The following HECTD4 variants were observed in gnomAD, a reference collection of about 807,000 sequenced individuals.
HECTD4 encodes the protein probable E3 ubiquitin-protein ligase HECTD4.
A neutral mutation model predicts 471.5 loss-of-function variants in HECTD4; 114 were observed. That is an observed-to-expected ratio of 0.24 (90% confidence interval 0.21 to 0.28). The LOEUF is 0.28. HECTD4 is among the 10% of genes least tolerant of loss of function. The pLI is 1.00. For synonymous variants in HECTD4, 2,012 were observed against 2,256.0 expected (o/e 0.89, Z 3.07); for missense variants, 3,866 against 5,651.5 (o/e 0.68, Z 10.13).
At chr12:112,308,458 C>CG (rs564437618) in intron 6 of HECTD4, among the ~76,000 whole-genome samples, 1 of 114,298 alleles carries the variant, frequency 8.7e-6, no homozygotes, top group Non-Finnish European at 1.7e-5. Context: ...AAAAACAAAA[C>CG]AAAAAAAAAA....
At chr12:112,296,585 G>A (rs1334564937) in intron 7 of HECTD4, among the ~76,000 whole-genome samples, 1 of 151,546 alleles carries the variant, frequency 6.6e-6, no homozygotes, top group African/African-American at 2.4e-5. Flanking sequence ...GGATGTAGGT[G>A]CAGATGGTGT....
rs988169617 is a variant in HECTD4 at position 112,319,350 on chromosome 12, G to A, written c.570C>T (p.Asp190=). The A allele has an allele frequency of 1.1e-5, 17 of 1,536,154 alleles. No homozygotes were observed. The highest frequency in any genetic ancestry group is 1.5e-5 in the Non-Finnish European group (17 of 1,146,916). Residue 190 remains aspartate (D), a synonymous_variant, in exon 2 of 76, where the codon GAC becomes GAT. Transcript: ENST00000682272. The surrounding 1 kb of genome is among the most constrained non-coding windows in gnomAD (Gnocchi z 5.3). Reference sequence around the variant, plus strand: ...GCAAAGTTTCAATTCCATTGAGACAGTCAGCAGGCTCCTTGGTCAAGCTCA... The same window carrying A: ...GCAAAGTTTCAATTCCATTGAGACAATCAGCAGGCTCCTTGGTCAAGCTCA... ...QPLSLTKEPA[D]CLNGIETLLC...
In HECTD4 at chr12:112,207,116, G is replaced by GTGTGTGTATGTA. The variant is rs1555250152; in HGVS notation, c.8131+757_8131+758insTACATACACACA. On this transcript the variant is annotated intron_variant, in intron 52 of 75. Coordinates refer to ENST00000682272, the MANE Select transcript of HECTD4 (RefSeq NM_001388303.1). ...TGTTTGTTTATGTATATGTGTGTGTGTGTATGTATGTATGTATGTATGTAT... is the reference window on the plus strand; with the variant it reads ...TGTTTGTTTATGTATATGTGTGTGTGTGTGTGTATGTATGTATGTATGTATGTATGTATGTAT... 1.3e-4 allele frequency among the ~76,000 whole-genome samples: 19 copies of GTGTGTGTATGTA among 147,332 alleles called. No individual in the cohort carries two copies. In the East Asian group the frequency reaches 1.6e-3, roughly 12 times the overall value.
At position 112,254,106 on chromosome 12, in the gene HECTD4, GC is replaced by G. The variant is rs2033955624; in HGVS notation, c.3383del (p.Gly1128AlafsTer12). ...TNSRKVAEYG[G>X]NTLGYGSRSV... Reference sequence around the variant, plus strand: ...TACGGCTGCCATATCCCAGTGTGTTGCCTCCATATTCAGCAACCTTCCTACT... The same window carrying G: ...TACGGCTGCCATATCCCAGTGTGTTGCTCCATATTCAGCAACCTTCCTACT... On this transcript the variant is annotated frameshift_variant, in exon 22 of 76. Coordinates refer to ENST00000682272, the MANE Select transcript of HECTD4 (RefSeq NM_001388303.1). LOFTEE classifies it high-confidence loss of function. 6.2e-7 allele frequency: 1 copy of G among 1,613,800 alleles called. No individual in the cohort carries two copies. Among genetic ancestry groups the G allele is most frequent in the South Asian group, 1.1e-5 (1 of 91,088 alleles).
At chr12:112,337,309 A>T (rs2035976006) in intron 1 of HECTD4, among the ~76,000 whole-genome samples, 1 of 152,166 alleles carries the variant, frequency 6.6e-6, no homozygotes. Context: ...TCATCAAATG[A>T]TATACTTGAT....
chr12:112,183,526 A>T (rs1258815617), intron 61 of HECTD4, among the ~76,000 whole-genome samples: 1 of 152,180 alleles, frequency 6.6e-6, no homozygotes, highest in Non-Finnish European at 1.5e-5. Flanking sequence ...ATTCCCAGGG[A>T]GGAAAAATTC....
At chr12:112,197,997 G>A (rs920514491) in intron 55 of HECTD4, among the ~76,000 whole-genome samples, 3 of 152,026 alleles carry the variant, frequency 2.0e-5, no homozygotes, top group Non-Finnish European at 2.9e-5. Context: ...CACCAGACCC[G>A]GCTAATTTTT....
At chr12:112,192,424 G>T in intron 59 of HECTD4, 136 bp downstream of exon 59, 1 of 592,682 alleles carries the variant, frequency 1.7e-6, no homozygotes, top group South Asian at 3.8e-5. Context: ...GTTTCTTCCA[G>T]AAGTCCCCAG....
chr12:112,170,382 C>T lies in HECTD4; in HGVS notation c.12003G>A (p.Ala4001=), dbSNP rs549735710. 43 of 1,614,000 alleles carry T rather than the reference C, an allele frequency of 2.7e-5. No homozygotes were observed. Among genetic ancestry groups the T allele is most frequent in the South Asian group, 1.5e-4 (14 of 91,086 alleles). ...RVLNATVQRT[A]DHAAPEITLD... ...AGGTGATCTCAGGGGCCGCGTGGTC[C>T]GCTGTCCTCTGCACAGTGGCATTCA... Residue 4001 remains alanine, a synonymous_variant, in exon 69 of 76, where the codon GCG becomes GCA. Coordinates refer to ENST00000682272, the MANE Select transcript of HECTD4 (RefSeq NM_001388303.1).
chr12:112,364,416 A>AT (rs201331318), intron 1 of HECTD4, among the ~76,000 whole-genome samples: 23,500 of 151,564 alleles, frequency 0.16, 2,441 homozygotes, highest in African/African-American at 0.3. Context: ...CTCAAAAAAA[A>AT]AAAAAAATAA....
rs2033330270 is a variant in HECTD4 at position 112,229,817 on chromosome 12, T to A, written c.6400A>T (p.Asn2134Tyr). 6.2e-7 allele frequency: 1 copy of A among 1,614,024 alleles called. No individual in the cohort carries two copies. Among genetic ancestry groups the A allele is most frequent in the East Asian group, 2.2e-5 (1 of 44,890 alleles). ...LGKYAESILENGSSSGRKLAK... is the reference protein window; with the variant it reads ...LGKYAESILEYGSSSGRKLAK... ...AGTTTCCTGCCACTGCTGCTGCCAT[T>A]TTCCAGAATGCTTTCTGCGTATTTC... is the stretch of plus-strand genomic sequence containing the variant. The change falls in exon 41 of 76, where the codon AAT (asparagine) becomes TAT (tyrosine). Residue 2134 changes from asparagine to tyrosine, a missense_variant. Asn to Tyr is a moderately radical substitution (Grantham distance 143). Around this residue, in one of 16 missense-constraint regions of HECTD4, gnomAD observed 617 missense variants for 915.1 expected, o/e 0.67. Coordinates refer to ENST00000682272, the MANE Select transcript of HECTD4 (RefSeq NM_001388303.1).
At chr12:112,200,518 C>T in intron 55 of HECTD4, 120 bp downstream of exon 55, 1 of 1,092,092 alleles carries the variant, frequency 9.2e-7, no homozygotes. Flanking sequence ...TAGCTGCCTT[C>T]TCTAAGTGTT....
Position 112,279,321 on chromosome 12 carries a change from A to G in HECTD4, c.1594T>C (p.Tyr532His). 1 of 1,612,584 alleles carries G rather than the reference A, an allele frequency of 6.2e-7. No individual in the cohort carries two copies. Among genetic ancestry groups the G allele is most frequent in the Non-Finnish European group, 8.5e-7 (1 of 1,178,918 alleles). ...RKTPIYTCGTYLVMLVPPPGG... is the reference protein window; with the variant it reads ...RKTPIYTCGTHLVMLVPPPGG... ...GGAGGAGGCACCAGCATCACCAAGT[A>G]GGTGCCACAGGTATATATGGGTGTC... Residue 532 changes from tyrosine (Y) to histidine (H), a missense_variant, in exon 9 of 76, where the codon TAC becomes CAC. Around this residue, in one of 16 missense-constraint regions of HECTD4, gnomAD observed 525 missense variants for 672.6 expected, o/e 0.78. Coordinates refer to ENST00000682272, the MANE Select transcript of HECTD4 (RefSeq NM_001388303.1).
In HECTD4 at chr12:112,219,358, G is replaced by A. The variant is rs1222460484; in HGVS notation, c.7074+28C>T. The A allele has an allele frequency of 1.9e-6, 3 of 1,538,504 alleles. No homozygotes were observed. The Admixed American group carries it at 5.1e-5, about 26-fold the overall frequency. On this transcript the variant is annotated intron_variant, in intron 45 of 75. Coordinates refer to ENST00000682272, the MANE Select transcript of HECTD4 (RefSeq NM_001388303.1). ...TCAGTGATGTGTGTGGAGGCTGCAG[G>A]AGGCGCGAAGCACCGCAGAGGGCTC...
Position 112,235,390 on chromosome 12 carries a change from C to T in HECTD4, c.5725+114G>A. On this transcript the variant is annotated intron_variant, in intron 36 of 75. Coordinates refer to ENST00000682272, the MANE Select transcript of HECTD4 (RefSeq NM_001388303.1). This position sits in a 1 kb window ranked among gnomAD's most constrained non-coding sequence, Gnocchi z 5.0. ...TCCCCCTTCTCTATTCCTGTCCCCGCTCCCTTCTCTGTCACTCACTCTTTC... is the reference window on the plus strand; with the variant it reads ...TCCCCCTTCTCTATTCCTGTCCCCGTTCCCTTCTCTGTCACTCACTCTTTC... The T allele has an allele frequency of 6.7e-7, 1 of 1,482,772 alleles. No homozygotes were observed. The highest frequency in any genetic ancestry group is 2.1e-5 in the Admixed American group (1 of 47,192). 91.9% of individuals were successfully genotyped at this position (1,482,772 alleles called of 1,614,324 possible). A position where few individuals can be genotyped will look rare whatever the true frequency, so the allele number is the denominator to read the frequency against.
At chr12:112,294,739 G>C (rs2034967262) in intron 7 of HECTD4, among the ~76,000 whole-genome samples, 1 of 152,044 alleles carries the variant, frequency 6.6e-6, no homozygotes, top group South Asian at 2.1e-4. Flanking sequence ...GCCTCTTTCA[G>C]TCTGACCTTG....
At chr12:112,273,571 C>A in intron 11 of HECTD4, 84 bp downstream of exon 11, 1 of 1,305,406 alleles carries the variant, frequency 7.7e-7, no homozygotes, top group South Asian at 1.3e-5. Context: ...TGGGGTTGGG[C>A]TATGTTTTCA....
In HECTD4 at chr12:112,208,567, G is replaced by T; in HGVS notation, c.7931C>A (p.Ser2644Tyr). 1 of 1,608,764 alleles carries T rather than the reference G, an allele frequency of 6.2e-7. No individual in the cohort carries two copies. Among genetic ancestry groups the T allele is most frequent in the Non-Finnish European group, 8.5e-7 (1 of 1,178,474 alleles). The stretch of plus-strand genomic sequence containing the variant: ...GGGAGGCGGGTGAGGGTCTGGGCCA[G>T]AGGTGATGAAATTCTCATAGCTGAG... ...VELSYENFIT[S>Y]GPDPHPPPIA... The change falls in exon 51 of 76, where the codon TCT (serine) becomes TAT (tyrosine). Residue 2644 changes from serine (S) to tyrosine (Y), a missense_variant. This residue lies in a region of HECTD4 where 266 missense variants were observed against 441.6 expected (regional missense o/e 0.60). Coordinates refer to ENST00000682272, the MANE Select transcript of HECTD4 (RefSeq NM_001388303.1).
chr12:112,206,533 C>CT (rs60701313), intron 52 of HECTD4, among the ~76,000 whole-genome samples: 7,726 of 111,488 alleles, frequency 0.069, 491 homozygotes, highest in South Asian at 0.22. Flanking sequence ...ATAGAATCTG[C>CT]TTTTTTTTTT....
Sources: gnomAD v4.1 joint callset for allele counts (sites outside exome capture counted in the v4.1 genomes callset) on GRCh38, gnomAD v4.1.1 for gene constraint, gnomAD v4.1.1 regional missense constraint, Gnocchi (gnomAD v3.1) non-coding constraint, MANE v1.5 for transcripts, NCBI Gene and HGNC (gene_info 2026-07-23, HGNC 2026-07-21) for gene names.